Variants in SRPK3 observed in about 807,000 individuals in gnomAD.
The protein encoded by SRPK3 is SRSF protein kinase 3.
SRPK3 carries 26 observed loss-of-function variants against 45.3 expected under a neutral mutation model. The observed-to-expected ratio is 0.57, with a 90% CI of 0.42 to 0.80. SRPK3 has a LOEUF of 0.80. Among genes scored for constraint, SRPK3 ranks in the 30% least tolerant of loss-of-function variants. The pLI, the probability that SRPK3 is intolerant of heterozygous loss-of-function variation, is 0.00. For synonymous variants in SRPK3, 254 were observed against 226.6 expected (o/e 1.12, Z -1.09); for missense variants, 536 against 514.5 (o/e 1.04, Z -0.40).
At chrX:153,784,665 G>A in intron 11 of SRPK3, 85 bp from the exon 12 acceptor site, 1 of 1,102,901 alleles carries the variant, frequency 9.1e-7, no homozygotes, top group Admixed American at 2.3e-5. Flanking sequence ...AGCTCCTCGG[G>A]TAGGCGGATC....
chrX:153,783,009 C>G lies in SRPK3; in HGVS notation c.639C>G (p.Ile213Met). 8.4e-7 allele frequency: 1 copy of G among 1,186,665 alleles called. No homozygotes were observed. The highest frequency in any genetic ancestry group is 1.1e-6 in the Non-Finnish European group (1 of 881,286). Reference sequence around the variant, plus strand: ...AGTGCAAGATCATCCACACGGACATCAAGCCCGAGAACATCTTGCTGTGTG... The same window carrying G: ...AGTGCAAGATCATCCACACGGACATGAAGCCCGAGAACATCTTGCTGTGTG... ...HTKCKIIHTD[I>M]KPENILLCVG... The change falls in exon 7 of 15, where the codon ATC becomes ATG. Residue 213 changes from isoleucine to methionine, a missense_variant. By Grantham distance (10) the Ile-to-Met change is conservative. Transcript: ENST00000370101.
In SRPK3 at chrX:153,781,359, C is replaced by T; in HGVS notation, c.190+13C>T. The stretch of plus-strand genomic sequence containing the variant: ...GACTACTGCAAGGGTGAGACTTGGC[C>T]TTGGGGACATGCGGCCTCACGGCCA... On this transcript the variant is annotated intron_variant, in intron 2 of 14. Transcript: ENST00000370101. 1.7e-6 allele frequency: 2 copies of T among 1,182,323 alleles called. No homozygotes were observed. The highest frequency in any genetic ancestry group is 2.3e-6 in the Non-Finnish European group (2 of 879,411).
intron 8 of SRPK3, 107 bp downstream of exon 8, chrX:153,783,358 C>T (rs2092064167): frequency 9.1e-6 from 5 of 551,753 alleles, no homozygotes; most frequent in Non-Finnish European, 1.2e-5. Context: ...CGCACTCCCA[C>T]GGTGGTAATC....
chrX:153,784,810 G>A lies in SRPK3; in HGVS notation c.1309G>A (p.Gly437Ser). Residue 437 changes from glycine (G) to serine (S), a missense_variant, in exon 12 of 15, where the codon GGC becomes AGC. Gly to Ser is a moderately conservative substitution (Grantham distance 56, BLOSUM62 0). Transcript: ENST00000370101. ...RQYRAVEVLIGAEYGPPADIW... is the reference protein window; with the variant it reads ...RQYRAVEVLISAEYGPPADIW... Reference sequence around the variant, plus strand: ...GTACCGGGCCGTCGAGGTGCTGATCGGCGCCGAATACGGCCCCCCGGCAGA... The same window carrying A: ...GTACCGGGCCGTCGAGGTGCTGATCAGCGCCGAATACGGCCCCCCGGCAGA... The A allele has an allele frequency of 8.3e-7, 1 of 1,211,442 alleles. No individual in the cohort carries two copies. Among genetic ancestry groups the A allele is most frequent in the Non-Finnish European group, 1.1e-6 (1 of 895,559 alleles).
At chrX:153,781,922 A>G in intron 4 of SRPK3, 92 bp downstream of exon 4, 1 of 1,052,464 alleles carries the variant, frequency 9.5e-7, no homozygotes, top group East Asian at 3.0e-5. Context: ...TCTGTGGGGC[A>G]GGGCGGGGCT....
At position 153,781,113 on chromosome X, in the gene SRPK3, G is replaced by C. The variant is rs1557066620; in HGVS notation, c.27G>C (p.Gly9=). The change falls in exon 1 of 15, where the codon GGG becomes GGC. Residue 9 remains glycine (G), a synonymous_variant. Transcript: ENST00000370101. The part of the protein sequence containing the change: MSASTGGG[G]DSGGSGGSSS... ...TGAGCGCCAGCACGGGCGGTGGTGG[G>C]GACAGCGGCGGCAGCGGCGGCAGTA... is the stretch of plus-strand genomic sequence containing the variant. The C allele has an allele frequency of 8.7e-7, 1 of 1,146,416 alleles. No homozygotes were observed. The highest frequency in any genetic ancestry group is 2.7e-5 in the Admixed American group (1 of 37,504). The allele number at this position is 1,146,416 out of a possible 1,213,427, so 94.5% of individuals were successfully genotyped here.
rs782266415 is a variant in SRPK3 at position 153,781,842 on chromosome X, C to T, written c.387+12C>T. On this transcript the variant is annotated intron_variant, in intron 4 of 14. Coordinates refer to ENST00000370101, the MANE Select transcript of SRPK3 (RefSeq NM_014370.4). ...AGCTCCTGAAATGTGTGAGGCACCT[C>T]CCTACCCCACTCCCAGCTCCCCTGG... 3 of 1,208,017 alleles carry T rather than the reference C, an allele frequency of 2.5e-6. No individual in the cohort carries two copies. The highest frequency in any genetic ancestry group is 3.4e-6 in the Non-Finnish European group (3 of 893,143).
chrX:153,783,310 C>T, intron 8 of SRPK3, 59 bp downstream of exon 8: 2 of 901,327 alleles, frequency 2.2e-6, no homozygotes, highest in Admixed American at 5.4e-5. Flanking sequence ...AACTGGAGGC[C>T]ATCTCTGGAG....
rs183651763 is a variant in SRPK3 at position 153,784,278 on chromosome X, G to A, written c.1148-16G>A. On this transcript the variant is annotated splice_polypyrimidine_tract_variant and intron_variant, in intron 10 of 14. Coordinates refer to ENST00000370101, the MANE Select transcript of SRPK3 (RefSeq NM_014370.4). The stretch of plus-strand genomic sequence containing the variant: ...GTAGTCGGACCACTTCAGTCTCCCT[G>A]CTCTGCCTTCCCCAGCACCATTCGG... 10 of 1,210,067 alleles carry A rather than the reference G, an allele frequency of 8.3e-6. No individual in the cohort carries two copies. The East Asian group carries it at 1.8e-4, about 22-fold the overall frequency.
chrX:153,783,685 G>A, intron 8 of SRPK3, 67 bp from the exon 9 acceptor site: 1 of 1,194,090 alleles, frequency 8.4e-7, no homozygotes, highest in South Asian at 1.8e-5. Context: ...GGCTGTGCAG[G>A]GAAACCTCCA....
chrX:153,784,709 C>G (rs1489965856), intron 11 of SRPK3, 41 bp from the exon 12 acceptor site: 2 of 1,172,340 alleles, frequency 1.7e-6, no homozygotes, highest in Admixed American at 2.3e-5. Context: ...GGCAGGACAG[C>G]CTTGGCCCCA....
At position 153,783,035 on chromosome X, in the gene SRPK3, T is replaced by C. The variant is rs782534269; in HGVS notation, c.665T>C (p.Val222Ala). 8.5e-7 allele frequency: 1 copy of C among 1,183,085 alleles called. No individual in the cohort carries two copies. The highest frequency in any genetic ancestry group is 1.1e-6 in the Non-Finnish European group (1 of 880,697). ...AAGCCCGAGAACATCTTGCTGTGTG[T>C]GGGGGACGCTTACATCAGGCGCCTG... The part of the protein sequence containing the change: ...DIKPENILLC[V>A]GDAYIRRLAA... Residue 222 changes from valine to alanine, a missense_variant, in exon 7 of 15, where the codon GTG (valine) becomes GCG (alanine). Physicochemically the swap from Val to Ala is moderately conservative, Grantham distance 64. Coordinates refer to ENST00000370101, the MANE Select transcript of SRPK3 (RefSeq NM_014370.4).
At position 153,785,339 on chromosome X, in the gene SRPK3, A is replaced by G. The variant is rs782194550; in HGVS notation, c.1523A>G (p.Glu508Gly). Reference sequence around the variant, plus strand: ...ACGCCCGCTGGCCTGCCCGCAGGAGAGCTGCGGCACATCCACAATCTCAAG... The same window carrying G: ...ACGCCCGCTGGCCTGCCCGCAGGAGGGCTGCGGCACATCCACAATCTCAAG... ...YSREFFNRRG[E>G]LRHIHNLKHW... Residue 508 changes from glutamate to glycine, a missense_variant, in exon 15 of 15, where the codon GAG (glutamate) becomes GGG (glycine). Physicochemically the swap from Glu to Gly is moderately conservative, Grantham distance 98. Coordinates refer to ENST00000370101, the MANE Select transcript of SRPK3 (RefSeq NM_014370.4). 4 of 1,203,838 alleles carry G rather than the reference A, an allele frequency of 3.3e-6. No homozygotes were observed. Among genetic ancestry groups the G allele is most frequent in the Non-Finnish European group, 2.2e-6 (2 of 890,132 alleles).
Position 153,785,061 on chromosome X carries a change from C to T in SRPK3, c.1427-20C>T. The T allele has an allele frequency of 1.7e-6, 2 of 1,211,418 alleles. No homozygotes were observed. The highest frequency in any genetic ancestry group is 2.2e-6 in the Non-Finnish European group (2 of 895,250). ...GGCCTCCCGGCCTGCCTGCCCCCAA[C>T]CTCCTCTTTCTGCCCACAGACCACA... On this transcript the variant is annotated intron_variant, in intron 13 of 14. Transcript: ENST00000370101.
chrX:153,781,496 C>T lies in SRPK3; in HGVS notation c.191-9C>T. The T allele has an allele frequency of 8.3e-7, 1 of 1,206,329 alleles. No homozygotes were observed. Among genetic ancestry groups the T allele is most frequent in the Non-Finnish European group, 1.1e-6 (1 of 892,442 alleles). On this transcript the variant is annotated splice_polypyrimidine_tract_variant and intron_variant, in intron 2 of 14. Transcript: ENST00000370101. The stretch of plus-strand genomic sequence containing the variant: ...CCCCTCCACCCCAATCTACATCTCC[C>T]CTGGGCAGGCGGCTACCACCCTGTG...
rs781928586 is a variant in SRPK3 at position 153,783,066 on chromosome X, C to G, written c.696C>G (p.Ala232=). The G allele has an allele frequency of 8.5e-7, 1 of 1,172,998 alleles. No homozygotes were observed. Among genetic ancestry groups the G allele is most frequent in the Non-Finnish European group, 1.1e-6 (1 of 876,796 alleles). Residue 232 remains alanine, a synonymous_variant, in exon 7 of 15, where the codon GCC becomes GCG. Transcript: ENST00000370101. ...VGDAYIRRLA[A]EATEWQQAGA... ...ACGCTTACATCAGGCGCCTGGCTGC[C>G]GAGGCCACGGAGTGGCAACAGGCAG...
chrX:153,784,869 CG>C lies in SRPK3; in HGVS notation c.1356+15del, dbSNP rs782386525. ...GCACAGCCTGCATGGTACGCCCGCCCGGGCTGCCCTGTGCCCAGGGCCAGCA... is the reference window on the plus strand; with the variant it reads ...GCACAGCCTGCATGGTACGCCCGCCCGGCTGCCCTGTGCCCAGGGCCAGCA... On this transcript the variant is annotated intron_variant, in intron 12 of 14. Coordinates refer to ENST00000370101, the MANE Select transcript of SRPK3 (RefSeq NM_014370.4). 1 of 1,210,937 alleles carries C rather than the reference CG, an allele frequency of 8.3e-7. No homozygotes were observed. Among genetic ancestry groups the C allele is most frequent in the Admixed American group, 2.2e-5 (1 of 46,157 alleles).
chrX:153,783,069 G>C lies in SRPK3; in HGVS notation c.699G>C (p.Glu233Asp), dbSNP rs782431998. Residue 233 changes from glutamate to aspartate, a missense_variant, in exon 7 of 15, where the codon GAG becomes GAC. Coordinates refer to ENST00000370101, the MANE Select transcript of SRPK3 (RefSeq NM_014370.4). Reference protein sequence around the residue: ...GDAYIRRLAAEATEWQQAGAP... With the variant: ...GDAYIRRLAADATEWQQAGAP... ...CTTACATCAGGCGCCTGGCTGCCGA[G>C]GCCACGGAGTGGCAACAGGCAGGGG... 2.6e-6 allele frequency: 3 copies of C among 1,170,700 alleles called. No individual in the cohort carries two copies. The highest frequency in any genetic ancestry group is 3.4e-6 in the Non-Finnish European group (3 of 875,989).
At chrX:153,784,620 C>T (rs1001805336) in intron 11 of SRPK3, 130 bp from the exon 12 acceptor site, 60 of 841,113 alleles carry the variant, frequency 7.1e-5, no homozygotes, top group Non-Finnish European at 7.3e-5. Context: ...TCTTGGAGGA[C>T]CTGGGGACCC....
Sources: allele counts gnomAD v4.1 joint callset, GRCh38; gene constraint gnomAD v4.1.1; transcripts MANE v1.5; gene names NCBI Gene and HGNC (gene_info 2026-07-23, HGNC 2026-07-21).